The following ZC3H12B variants were observed in gnomAD, a reference collection of about 807,000 sequenced individuals.
ZC3H12B encodes zinc finger CCCH-type containing 12B.
In ZC3H12B, 7 loss-of-function variants were observed where a neutral mutation model predicts 43.9. The observed-to-expected ratio is 0.16, with a 90% CI of 0.09 to 0.30. The LOEUF (loss-of-function observed/expected upper bound fraction) is 0.30. ZC3H12B is among the 10% of genes least tolerant of loss of function. The probability of loss-of-function intolerance (pLI) is 1.00; values close to 1 mark genes in which losing one functional copy is unlikely to be tolerated. For synonymous variants in ZC3H12B, 222 were observed against 241.7 expected (o/e 0.92, Z 0.76); for missense variants, 475 against 670.2 (o/e 0.71, Z 3.22).
At chrX:65,119,129 T>C in the ZC3H12B span, among the ~76,000 whole-genome samples, 1 of 111,635 alleles carries the variant, frequency 9.0e-6, no homozygotes, top group African/African-American at 3.3e-5. Context: ...TGTGTCTTTC[T>C]AGCAGCATGA....
chrX:65,430,434 G>A (rs2067143255), intron 3 of ZC3H12B, among the ~76,000 whole-genome samples: 1 of 106,155 alleles, frequency 9.4e-6, no homozygotes, highest in Admixed American at 1.0e-4. Flanking sequence ...ATGTTGGTGT[G>A]CTGCACCCGT....
At chrX:65,077,405 T>C in the ZC3H12B span, among the ~76,000 whole-genome samples, 7 of 112,374 alleles carry the variant, frequency 6.2e-5, no homozygotes, top group East Asian at 1.7e-3. Flanking sequence ...CTGCAAGCAC[T>C]ACAGGTGTTG....
the ZC3H12B span, among the ~76,000 whole-genome samples, chrX:65,206,765 G>A: frequency 1.8e-5 from 2 of 111,483 alleles, no homozygotes; most frequent in Admixed American, 1.9e-4. Flanking sequence ...CTGTACATCT[G>A]ACAAAGGACT....
chrX:65,389,455 C>T (rs1309200324), intron 2 of ZC3H12B, among the ~76,000 whole-genome samples: 1 of 112,705 alleles, frequency 8.9e-6, no homozygotes, highest in Non-Finnish European at 1.9e-5. Flanking sequence ...ATATAATCTC[C>T]TGGTGTACCA....
intron 3 of ZC3H12B, among the ~76,000 whole-genome samples, chrX:65,457,443 G>C (rs1473219707): frequency 2.5e-5 from 2 of 80,884 alleles, no homozygotes; most frequent in Non-Finnish European, 4.5e-5. Flanking sequence ...GAGGGTGGTG[G>C]GGGGGTCAGC....
At chrX:65,491,809 A>G (rs1236238634) in intron 1 of ZC3H12B, among the ~76,000 whole-genome samples, 1 of 109,024 alleles carries the variant, frequency 9.2e-6, no homozygotes, top group Non-Finnish European at 1.9e-5. Context: ...TGACATCATC[A>G]TAATTATAAG....
the ZC3H12B span, among the ~76,000 whole-genome samples, chrX:65,252,890 A>G: frequency 8.9e-6 from 1 of 112,168 alleles, no homozygotes; most frequent in African/African-American, 3.2e-5. Context: ...ATTGTGGTTG[A>G]CATTATTCTT....
the ZC3H12B span, among the ~76,000 whole-genome samples, chrX:65,146,840 CA>C: frequency 1.8e-5 from 2 of 111,556 alleles, no homozygotes; most frequent in African/African-American, 6.5e-5. Flanking sequence ...ACCATAGATA[CA>C]AGCACAATAT....
chrX:65,067,057 G>T, the ZC3H12B span, among the ~76,000 whole-genome samples: 3 of 111,442 alleles, frequency 2.7e-5, no homozygotes, highest in South Asian at 1.1e-3. Context: ...TCAAGCCAGT[G>T]GATCATAGCT....
At chrX:65,230,291 A>C in the ZC3H12B span, among the ~76,000 whole-genome samples, 1 of 110,416 alleles carries the variant, frequency 9.1e-6, no homozygotes, top group African/African-American at 3.3e-5. Flanking sequence ...AAGAACGAGA[A>C]ACCAAACATG....
upstream of ZC3H12B, among the ~76,000 whole-genome samples, chrX:65,362,177 T>C (rs1318283447): frequency 8.9e-6 from 1 of 112,057 alleles, no homozygotes; most frequent in East Asian, 2.8e-4. Flanking sequence ...CTCGGCTTAG[T>C]GGCTGAAGAC....
At chrX:65,215,584 C>T in the ZC3H12B span, among the ~76,000 whole-genome samples, 1 of 111,192 alleles carries the variant, frequency 9.0e-6, no homozygotes, top group Non-Finnish European at 1.9e-5. Flanking sequence ...AATTTTGTTG[C>T]TCGTTTGATC....
At chrX:65,281,140 A>T in the ZC3H12B span, among the ~76,000 whole-genome samples, 1 of 111,494 alleles carries the variant, frequency 9.0e-6, no homozygotes, top group Admixed American at 9.6e-5. Context: ...TGTAATAACC[A>T]AAACAACATG....
the ZC3H12B span, among the ~76,000 whole-genome samples, chrX:65,358,182 C>A: frequency 1.8e-5 from 2 of 111,144 alleles, no homozygotes; most frequent in African/African-American, 3.3e-5. Flanking sequence ...TACAAGAGTA[C>A]CCAGATTCAT....
chrX:65,042,439 A>T, the ZC3H12B span, among the ~76,000 whole-genome samples: 1 of 112,774 alleles, frequency 8.9e-6, no homozygotes, highest in Non-Finnish European at 1.9e-5. Context: ...AGAAAAAAAT[A>T]AAAACTTTTG....
chrX:65,461,854 AT>A (rs1308055081), intron 3 of ZC3H12B, among the ~76,000 whole-genome samples: 4 of 110,960 alleles, frequency 3.6e-5, no homozygotes, highest in Non-Finnish European at 5.7e-5. Context: ...AATAAAAAAA[AT>A]AAAATAATAA....
intron 3 of ZC3H12B, among the ~76,000 whole-genome samples, chrX:65,427,284 G>GT (rs936551682): frequency 2.4e-4 from 26 of 110,583 alleles, no homozygotes; most frequent in South Asian, 1.2e-3. Flanking sequence ...TGCAAATCCT[G>GT]TTTTTTTTCT....
At chrX:65,431,494 C>A (rs1380630208) in intron 3 of ZC3H12B, among the ~76,000 whole-genome samples, 1 of 112,504 alleles carries the variant, frequency 8.9e-6, no homozygotes, top group African/African-American at 3.2e-5. Flanking sequence ...AATCTTCATC[C>A]TTTTCACCAA....
chrX:65,288,878 T>C, the ZC3H12B span, among the ~76,000 whole-genome samples: 1 of 111,944 alleles, frequency 8.9e-6, no homozygotes, highest in Non-Finnish European at 1.9e-5. Flanking sequence ...TTAGATTTAA[T>C]AAATAAATTT....
Sources: allele counts gnomAD v4.1 joint callset (sites outside exome capture counted in the v4.1 genomes callset), GRCh38; gene constraint gnomAD v4.1.1; transcripts MANE v1.5; gene names NCBI Gene and HGNC (gene_info 2026-07-23, HGNC 2026-07-21).